The following MARCHF8 variants were observed in gnomAD, a reference collection of about 807,000 sequenced individuals.
MARCHF8 encodes the protein membrane associated ring-CH-type finger 8.
A neutral mutation model predicts 51.6 loss-of-function variants in MARCHF8; 40 were observed. That is an observed-to-expected ratio of 0.77 (90% confidence interval 0.60 to 1.01). The LOEUF is 1.01. Ranked by LOEUF, MARCHF8 falls within the 50% of genes least tolerant of loss-of-function variation. The pLI, the probability that MARCHF8 is intolerant of heterozygous loss-of-function variation, is 0.00. For missense variants in MARCHF8, 685 were observed against 708.6 expected (o/e 0.97, Z 0.38); for synonymous variants, 263 against 280.3 (o/e 0.94, Z 0.62).
At chr10:45,496,411 C>T (rs1159496087) in intron 2 of MARCHF8, among the ~76,000 whole-genome samples, 1 of 152,018 alleles carries the variant, frequency 6.6e-6, no homozygotes, top group Non-Finnish European at 1.5e-5. Context: ...CATCATTATA[C>T]TAATATCAGA....
chr10:45,517,820 G>A (rs948400447), intron 2 of MARCHF8, among the ~76,000 whole-genome samples: 1 of 152,136 alleles, frequency 6.6e-6, no homozygotes, highest in Non-Finnish European at 1.5e-5. Context: ...TATTCTCCAT[G>A]TCCTCCTTAG....
At chr10:45,486,772 G>A (rs780974347) in intron 3 of MARCHF8, among the ~76,000 whole-genome samples, 4 of 150,880 alleles carry the variant, frequency 2.7e-5, no homozygotes, top group Admixed American at 6.6e-5. Flanking sequence ...CCCAAGACTC[G>A]GAACAACCCT....
At chr10:45,524,616 A>G (rs1469435318) in intron 2 of MARCHF8, among the ~76,000 whole-genome samples, 1 of 152,234 alleles carries the variant, frequency 6.6e-6, no homozygotes, top group Non-Finnish European at 1.5e-5. Flanking sequence ...ACATACTTCT[A>G]TAAAAAAGCT....
intron 2 of MARCHF8, among the ~76,000 whole-genome samples, chr10:45,489,735 G>A (rs931657160): frequency 7.2e-5 from 11 of 152,138 alleles, no homozygotes; most frequent in Non-Finnish European, 1.3e-4. Context: ...CACATTTCAC[G>A]TGAAAGTTCA....
intron 1 of MARCHF8, among the ~76,000 whole-genome samples, chr10:45,583,102 A>T (rs2044573614): frequency 2.0e-5 from 3 of 151,996 alleles, no homozygotes; most frequent in Admixed American, 6.5e-5. Context: ...TAACAAGAAT[A>T]GAGTTTGCCT....
chr10:45,590,301 G>A (rs1348405622), intron 1 of MARCHF8, among the ~76,000 whole-genome samples: 2 of 151,994 alleles, frequency 1.3e-5, no homozygotes, highest in Non-Finnish European at 2.9e-5. Context: ...CGATTTTTTT[G>A]AGTTCCTTTT....
Position 45,463,314 on chromosome 10 carries a change from C to T in MARCHF8, c.925G>A (p.Asp309Asn), listed in dbSNP as rs1326847283. Residue 309 changes from aspartate to asparagine, a missense_variant, in exon 5 of 8, where the codon GAC (aspartate) becomes AAC (asparagine). Physicochemically the swap from Asp to Asn is conservative, Grantham distance 23. Transcript: ENST00000453424. ...GTGCTGTCCTCAAAGACATCGTCGTCTCCCATCTCGTCAGAGCAGAAGCCC... is the reference window on the plus strand; with the variant it reads ...GTGCTGTCCTCAAAGACATCGTCGTTTCCCATCTCGTCAGAGCAGAAGCCC... ...SMGFCSDEMG[D>N]DDVFEDSTSA... is the part of the protein sequence containing the mutation. 2 of 1,551,038 alleles carry T rather than the reference C, an allele frequency of 1.3e-6. No individual in the cohort carries two copies. The highest frequency in any genetic ancestry group is 8.7e-7 in the Non-Finnish European group (1 of 1,147,090).
chr10:45,535,029 C>T (rs35824277), intron 1 of MARCHF8, among the ~76,000 whole-genome samples, 182 bp downstream of exon 1: 9,390 of 152,204 alleles, frequency 0.062, 333 homozygotes, highest in Non-Finnish European at 0.066. Flanking sequence ...AAGTGAGTGA[C>T]CATTGATAAT....
At chr10:45,488,093 C>T (rs2043016151) in intron 3 of MARCHF8, among the ~76,000 whole-genome samples, 1 of 152,094 alleles carries the variant, frequency 6.6e-6, no homozygotes, top group Non-Finnish European at 1.5e-5. Context: ...GGTTCCCAGG[C>T]CATACCCTAG....
chr10:45,592,989 C>A (rs1036306370), intron 1 of MARCHF8, among the ~76,000 whole-genome samples: 23 of 152,118 alleles, frequency 1.5e-4, no homozygotes, highest in African/African-American at 5.3e-4. Context: ...GCAAACCTAG[C>A]TGGAGCCAAA....
At chr10:45,459,729 A>G (rs12573609) in intron 6 of MARCHF8, 47,418 of 985,370 alleles carry the variant, frequency 0.048, 1,338 homozygotes, top group East Asian at 0.16. Flanking sequence ...TGAATGGCAG[A>G]AGACGCTCAC....
chr10:45,541,688 G>A (rs941976027), intron 1 of MARCHF8, among the ~76,000 whole-genome samples: 13 of 152,074 alleles, frequency 8.5e-5, no homozygotes, highest in Admixed American at 3.9e-4. Context: ...ATTTCAACAC[G>A]GACAATGGTA....
In MARCHF8 at chr10:45,534,190, T is replaced by TC. The variant is rs370187089; in HGVS notation, c.-78-902dup. 3.6e-3 allele frequency among the ~76,000 whole-genome samples: 238 copies of TC among 65,462 alleles called. 1 individual carries two copies. The highest frequency in any genetic ancestry group is 0.013 in the African/African-American group (202 of 15,236). 42.9% of individuals were successfully genotyped at this position (65,462 alleles called of 152,430 possible). Reference sequence around the variant, plus strand: ...ACAGCGAGACTCCAACCCCCCAACCTCCCCCCCACCAAAAAAAAAAGAGTA... The same window carrying TC: ...ACAGCGAGACTCCAACCCCCCAACCTCCCCCCCCACCAAAAAAAAAAGAGTA... On this transcript the variant is annotated intron_variant, in intron 1 of 7. Coordinates refer to ENST00000453424, the MANE Select transcript of MARCHF8 (RefSeq NM_001282866.2).
chr10:45,510,221 C>T (rs1027908358), intron 2 of MARCHF8, among the ~76,000 whole-genome samples: 1 of 152,072 alleles, frequency 6.6e-6, no homozygotes, highest in Non-Finnish European at 1.5e-5. Context: ...CTGCACACTG[C>T]GAGACCCTGA....
intron 1 of MARCHF8, among the ~76,000 whole-genome samples, chr10:45,590,347 C>T (rs1363161359): frequency 6.6e-6 from 1 of 152,042 alleles, no homozygotes; most frequent in Non-Finnish European, 1.5e-5. Flanking sequence ...TCCTTAAATA[C>T]TCTGGATACT....
chr10:45,549,265 C>T (rs1035677473), intron 1 of MARCHF8, among the ~76,000 whole-genome samples: 1 of 152,210 alleles, frequency 6.6e-6, no homozygotes, highest in Non-Finnish European at 1.5e-5. Flanking sequence ...CCACTTATCA[C>T]AAGATGTTCC....
intron 1 of MARCHF8, among the ~76,000 whole-genome samples, chr10:45,565,407 C>T (rs1023560782): frequency 1.3e-5 from 2 of 151,788 alleles, no homozygotes; most frequent in Admixed American, 6.6e-5. Context: ...CCAGCCTGGG[C>T]GAGAGAGTAA....
intron 1 of MARCHF8, among the ~76,000 whole-genome samples, chr10:45,572,114 TTC>T (rs77988524): frequency 1.5e-5 from 2 of 130,246 alleles, no homozygotes; most frequent in Non-Finnish European, 1.7e-5. Context: ...CCCTTACCCC[TTC>T]TCTCTGTGTC....
At chr10:45,521,020 C>T (rs559465760) in intron 2 of MARCHF8, among the ~76,000 whole-genome samples, 162 of 152,248 alleles carry the variant, frequency 1.1e-3, no homozygotes, top group African/African-American at 3.6e-3. Flanking sequence ...AACCTGTGAA[C>T]AGCTAAAAAA....
Sources: gnomAD v4.1 joint callset for allele counts (sites outside exome capture counted in the v4.1 genomes callset) on GRCh38, gnomAD v4.1.1 for gene constraint, MANE v1.5 for transcripts, NCBI Gene and HGNC (gene_info 2026-07-23, HGNC 2026-07-21) for gene names.